Variants in IKZF1 observed in about 807,000 individuals in gnomAD.
The protein encoded by IKZF1 is DNA-binding protein Ikaros.
Under a neutral mutation model 51.7 loss-of-function variants are expected in IKZF1, and 10 were observed. The observed-to-expected ratio is 0.19, with a 90% CI of 0.12 to 0.33. IKZF1 has a LOEUF of 0.33. Among genes scored for constraint, IKZF1 ranks in the 10% least tolerant of loss-of-function variants. The probability of loss-of-function intolerance (pLI) is 1.00; values close to 1 mark genes in which losing one functional copy is unlikely to be tolerated. For synonymous variants in IKZF1, 280 were observed against 282.3 expected (o/e 0.99, Z 0.08); for missense variants, 484 against 707.5 (o/e 0.68, Z 3.58).
intron 3 of IKZF1, among the ~76,000 whole-genome samples, chr7:50,350,287 C>T (rs2153429480): frequency 6.6e-6 from 1 of 152,366 alleles, no homozygotes; most frequent in East Asian, 1.9e-4. Context: ...GAGGTGGAGC[C>T]CAGCTCCAGA....
chr7:50,348,278 T>C (rs568690312), intron 3 of IKZF1, among the ~76,000 whole-genome samples: 1 of 152,338 alleles, frequency 6.6e-6, no homozygotes, highest in Admixed American at 6.5e-5. Context: ...CCTCCGGACA[T>C]GACATATCTG....
Position 50,404,072 on chromosome 7 carries a change from A to C in IKZF1, c.*3445A>C. 4.6e-6 allele frequency: 1 copy of C among 215,716 alleles called. No individual in the cohort carries two copies. The highest frequency in any genetic ancestry group is 9.4e-6 in the Non-Finnish European group (1 of 106,596). The allele number at this position is 215,716 out of a possible 1,614,324, so 13.4% of individuals were successfully genotyped here. ...AAGATGTACAGGCATCAGAAAAAAGAAGCACATAATGCTTTTGGTGCGATG... is the reference window on the plus strand; with the variant it reads ...AAGATGTACAGGCATCAGAAAAAAGCAGCACATAATGCTTTTGGTGCGATG... On this transcript the variant is annotated 3_prime_UTR_variant, in exon 8 of 8. Coordinates refer to ENST00000331340, the MANE Select transcript of IKZF1 (RefSeq NM_006060.6).
chr7:50,330,179 C>T (rs934007208), intron 3 of IKZF1, among the ~76,000 whole-genome samples: 1 of 152,130 alleles, frequency 6.6e-6, no homozygotes, highest in African/African-American at 2.4e-5. Context: ...TGGCCCTGCC[C>T]TTTATCATGT....
chr7:50,314,166 A>G (rs1428315487), intron 1 of IKZF1, among the ~76,000 whole-genome samples: 2 of 152,000 alleles, frequency 1.3e-5, no homozygotes. Flanking sequence ...GCTGGAGTGC[A>G]GTGGCACAAT....
intron 4 of IKZF1, among the ~76,000 whole-genome samples, chr7:50,380,309 C>A (rs1811496421): frequency 1.3e-5 from 2 of 152,240 alleles, no homozygotes; most frequent in Non-Finnish European, 2.9e-5. Context: ...AGACATCAGA[C>A]ACTGCAGGAT....
intron 3 of IKZF1, among the ~76,000 whole-genome samples, chr7:50,351,039 C>T (rs551046667): frequency 2.6e-5 from 4 of 152,306 alleles, no homozygotes; most frequent in East Asian, 1.9e-4. Flanking sequence ...TAATTCAGTT[C>T]GTGTGTTACC....
At chr7:50,370,506 G>A (rs904954232) in intron 3 of IKZF1, among the ~76,000 whole-genome samples, 2 of 152,152 alleles carry the variant, frequency 1.3e-5, no homozygotes, top group African/African-American at 4.8e-5. Context: ...ACAGGGGTGT[G>A]GGGTCTCTCT....
intron 7 of IKZF1, among the ~76,000 whole-genome samples, chr7:50,396,952 C>T (rs185689444): frequency 6.6e-6 from 1 of 152,332 alleles, no homozygotes; most frequent in Non-Finnish European, 1.5e-5. Flanking sequence ...TTGCTTCTGT[C>T]CCAGGGAGCC....
At chr7:50,380,498 G>A (rs919020851) in intron 4 of IKZF1, among the ~76,000 whole-genome samples, 2 of 152,188 alleles carry the variant, frequency 1.3e-5, no homozygotes, top group African/African-American at 2.4e-5. Context: ...TGCCCAGCAC[G>A]GAAGGGGGTC....
At chr7:50,312,129 A>G (rs1211505774) in intron 1 of IKZF1, among the ~76,000 whole-genome samples, 2 of 152,222 alleles carry the variant, frequency 1.3e-5, no homozygotes. Flanking sequence ...GAAGAAAATG[A>G]TTCTAAACTT....
intron 3 of IKZF1, among the ~76,000 whole-genome samples, chr7:50,356,273 A>G (rs931622539): frequency 6.6e-6 from 1 of 152,212 alleles, no homozygotes; most frequent in African/African-American, 2.4e-5. Context: ...GGCCTTCTAG[A>G]ACTATCAGGA....
chr7:50,350,331 G>A (rs1175609875), intron 3 of IKZF1, among the ~76,000 whole-genome samples: 3 of 152,356 alleles, frequency 2.0e-5, no homozygotes, highest in Admixed American at 6.5e-5. Flanking sequence ...CAAGAAGCCT[G>A]TACAGATGTT....
chr7:50,383,080 T>C (rs1812319065), intron 5 of IKZF1, among the ~76,000 whole-genome samples: 1 of 152,234 alleles, frequency 6.6e-6, no homozygotes, highest in Non-Finnish European at 1.5e-5. Flanking sequence ...CGTTTTCAAG[T>C]ACAATTCTTT....
At chr7:50,342,838 G>T (rs955494143) in intron 3 of IKZF1, among the ~76,000 whole-genome samples, 48 of 152,168 alleles carry the variant, frequency 3.2e-4, no homozygotes, top group Admixed American at 9.2e-4. Context: ...GCTGCTAACC[G>T]CTGCTCTTCC....
At chr7:50,381,040 C>G (rs993550838) in intron 4 of IKZF1, among the ~76,000 whole-genome samples, 2 of 152,140 alleles carry the variant, frequency 1.3e-5, no homozygotes, top group Admixed American at 1.3e-4. Context: ...AGTATCAGGA[C>G]CTCTCCATTG....
chr7:50,352,060 C>T (rs1361427498), intron 3 of IKZF1, among the ~76,000 whole-genome samples: 1 of 152,238 alleles, frequency 6.6e-6, no homozygotes, highest in Non-Finnish European at 1.5e-5. Flanking sequence ...TTCATTCCTT[C>T]AGCACACATT....
chr7:50,393,782 G>C, intron 7 of IKZF1: 1 of 233,062 alleles, frequency 4.3e-6, no homozygotes, highest in Non-Finnish European at 8.5e-6. Flanking sequence ...GCATCTGCCT[G>C]GGGTGGACAC....
Position 50,327,753 on chromosome 7 carries a change from C to T in IKZF1, c.156C>T (p.Val52=), listed in dbSNP as rs200992647. 3.0e-5 allele frequency: 49 copies of T among 1,611,062 alleles called. No individual in the cohort carries two copies. Among genetic ancestry groups the T allele is most frequent in the Middle Eastern group, 1.6e-4 (1 of 6,076 alleles). Residue 52 remains valine (V), a synonymous_variant, in exon 3 of 8, where the codon GTC becomes GTT. Coordinates refer to ENST00000331340, the MANE Select transcript of IKZF1 (RefSeq NM_006060.6). ...GGQQSSKSDR[V]VASNVKVETQ... is the part of the protein sequence containing the mutation. ...AGCAAAGCTCCAAGAGTGACAGAGT[C>T]GTGGGTAAGTGGGTCACCAGCGGCC... is the stretch of plus-strand genomic sequence containing the variant.
At chr7:50,316,547 G>A (rs932756369) in intron 1 of IKZF1, among the ~76,000 whole-genome samples, 2 of 152,246 alleles carry the variant, frequency 1.3e-5, no homozygotes, top group African/African-American at 4.8e-5. Context: ...GCTGTGGTGT[G>A]ATCTGCTGCC....
Sources: allele counts gnomAD v4.1 joint callset (sites outside exome capture counted in the v4.1 genomes callset), GRCh38; gene constraint gnomAD v4.1.1; transcripts MANE v1.5; gene names NCBI Gene and HGNC (gene_info 2026-07-23, HGNC 2026-07-21).